The following ENPP1 variants were observed in gnomAD, a reference collection of about 807,000 sequenced individuals.
The protein encoded by ENPP1 is ectonucleotide pyrophosphatase/phosphodiesterase 1.
ENPP1 carries 73 observed loss-of-function variants against 122.8 expected under a neutral mutation model. That is an observed-to-expected ratio of 0.59 (90% CI 0.49 to 0.72). ENPP1 has a LOEUF of 0.72. Ranked by LOEUF, ENPP1 falls within the 30% of genes least tolerant of loss-of-function variation. The pLI is 0.00. For synonymous variants in ENPP1, 367 were observed against 391.6 expected, an observed-to-expected ratio of 0.94 and a Z score of 0.74; for missense variants, 978 against 1,128.1, an observed-to-expected ratio of 0.87 and a Z score of 1.91.
At chr6:131,863,195 T>C (rs1036078533) in intron 9 of ENPP1, among the ~76,000 whole-genome samples, 4 of 152,212 alleles carry the variant, frequency 2.6e-5, no homozygotes, top group African/African-American at 9.6e-5. Flanking sequence ...TTAGCATCTA[T>C]TGCGTTTGCA....
chr6:131,883,454 G>C (rs1219415640), intron 21 of ENPP1, among the ~76,000 whole-genome samples: 1 of 152,180 alleles, frequency 6.6e-6, no homozygotes, highest in Non-Finnish European at 1.5e-5. Flanking sequence ...TGGGGCTCTT[G>C]TTATTAAAGT....
intron 24 of ENPP1, among the ~76,000 whole-genome samples, chr6:131,889,697 G>A (rs1782438198): frequency 6.6e-6 from 1 of 152,030 alleles, no homozygotes; most frequent in East Asian, 1.9e-4. Flanking sequence ...TCATTGTTGG[G>A]CACTTAAGTT....
intron 9 of ENPP1, among the ~76,000 whole-genome samples, chr6:131,863,173 G>C (rs909782440): frequency 6.6e-6 from 1 of 152,142 alleles, no homozygotes; most frequent in African/African-American, 2.4e-5. Context: ...AGATAGGAAT[G>C]ATCTCTGCTA....
Position 131,852,208 on chromosome 6 carries a change from G to C in ENPP1, c.590G>C (p.Ser197Thr). 6.2e-7 allele frequency: 1 copy of C among 1,607,712 alleles called. No individual in the cohort carries two copies. Among genetic ancestry groups the C allele is most frequent in the Non-Finnish European group, 8.5e-7 (1 of 1,177,388 alleles). Residue 197 changes from serine (S) to threonine (T), a missense_variant, in exon 5 of 25, where the codon AGC becomes ACC. By Grantham distance (58) the Ser-to-Thr change is moderately conservative (BLOSUM62 1). This residue lies in a region of ENPP1 where 330 missense variants were observed against 328.5 expected (regional missense o/e 1.00). Transcript: ENST00000647893. ...AGTTGGGTAGAAGAACCATGTGAGAGCATTAATGAGCCACAGTGCCCAGCA... is the reference window on the plus strand; with the variant it reads ...AGTTGGGTAGAAGAACCATGTGAGACCATTAATGAGCCACAGTGCCCAGCA... ...EKSWVEEPCE[S>T]INEPQCPAGF...
chr6:131,821,035 G>A lies in ENPP1; in HGVS notation c.240+12760G>A, dbSNP rs192875287. Among the ~76,000 whole-genome samples the A allele has an allele frequency of 3.8e-3, 573 of 152,258 alleles. 2 individuals are homozygous for A. The highest frequency in any genetic ancestry group is 0.013 in the African/African-American group (559 of 41,554). ...TGTTGATAAGCTTCAATGTGACTGA[G>A]AATTTTTTATTTTACCTTACTCAGA... On this transcript the variant is annotated intron_variant, in intron 1 of 24. Transcript: ENST00000647893.
chr6:131,808,693 A>T (rs1781312479), intron 1 of ENPP1, among the ~76,000 whole-genome samples: 1 of 152,204 alleles, frequency 6.6e-6, no homozygotes, highest in South Asian at 2.1e-4. Flanking sequence ...CACTTGGGTT[A>T]ACTGATTGCA....
chr6:131,884,755 A>T (rs893364178), intron 22 of ENPP1, among the ~76,000 whole-genome samples, 176 bp from the exon 23 acceptor site: 1 of 152,190 alleles, frequency 6.6e-6, no homozygotes, highest in African/African-American at 2.4e-5. Flanking sequence ...AGCCTGGGTG[A>T]TATAGCACGA....
At chr6:131,867,471 AT>A (rs1374437833) in intron 11 of ENPP1, among the ~76,000 whole-genome samples, 1 of 152,198 alleles carries the variant, frequency 6.6e-6, no homozygotes, top group Non-Finnish European at 1.5e-5. Flanking sequence ...ATGAGTTCTA[AT>A]TTAGAAAATT....
chr6:131,824,285 T>A (rs1781517119), intron 1 of ENPP1, among the ~76,000 whole-genome samples: 1 of 151,192 alleles, frequency 6.6e-6, no homozygotes, highest in Non-Finnish European at 1.5e-5. Flanking sequence ...AGAAGAGGAT[T>A]ATGAGAAAAG....
intron 1 of ENPP1, among the ~76,000 whole-genome samples, chr6:131,834,698 T>C (rs927005637): frequency 6.1e-5 from 9 of 148,448 alleles, no homozygotes; most frequent in African/African-American, 2.2e-4. Flanking sequence ...GCCCAGCTAA[T>C]TTTTTTTTTG....
At chr6:131,839,708 A>G (rs1409247406) in intron 1 of ENPP1, among the ~76,000 whole-genome samples, 1 of 152,166 alleles carries the variant, frequency 6.6e-6, no homozygotes, top group Non-Finnish European at 1.5e-5. Flanking sequence ...AAAAATTGGG[A>G]CCATATTACC....
chr6:131,858,645 A>G (rs1054402156), intron 6 of ENPP1, 23 bp from the exon 7 acceptor site: 1 of 1,456,736 alleles, frequency 6.9e-7, no homozygotes, highest in Admixed American at 1.7e-5. Flanking sequence ...TTTAATAACA[A>G]TGTTTATTTT....
At chr6:131,850,211 T>G (rs1781863921) in intron 3 of ENPP1, 105 bp downstream of exon 3, 1 of 874,876 alleles carries the variant, frequency 1.1e-6, no homozygotes, top group African/African-American at 1.7e-5. Context: ...TTTGAATTTT[T>G]TTTAGTTTAG....
In ENPP1 at chr6:131,883,780, T is replaced by A. The variant is rs375335648; in HGVS notation, c.2311+6T>A. 1.0e-5 allele frequency: 14 copies of A among 1,334,804 alleles called. No homozygotes were observed. In the East Asian group the frequency reaches 1.6e-4, roughly 15 times the overall value. The allele number at this position is 1,334,804 out of a possible 1,614,324, so 82.7% of individuals were successfully genotyped here. ...AATGTACCAGAGTTTTCAAGGTAAA[T>A]AATGTTAACTCTATATTTGATAATT... On this transcript the variant is annotated splice_donor_region_variant and intron_variant, in intron 22 of 24. Transcript: ENST00000647893.
At chr6:131,813,049 C>T (rs1047145054) in intron 1 of ENPP1, among the ~76,000 whole-genome samples, 13 of 152,212 alleles carry the variant, frequency 8.5e-5, no homozygotes, top group Non-Finnish European at 1.8e-4. Flanking sequence ...CTTTGTTGCC[C>T]AGGCTGGTCT....
Position 131,817,249 on chromosome 6 carries a change from A to G in ENPP1, c.240+8974A>G, listed in dbSNP as rs541422243. On this transcript the variant is annotated intron_variant, in intron 1 of 24. Coordinates refer to ENST00000647893, the MANE Select transcript of ENPP1 (RefSeq NM_006208.3). ...ATTCATTTGCTAAATGTTATATCCT[A>G]TTCATCAAGCTTGGCCTGCTGTTGG... Among the ~76,000 whole-genome samples, 14 of 152,304 alleles carry G rather than the reference A, an allele frequency of 9.2e-5. No homozygotes were observed. The East Asian group carries it at 2.3e-3, about 25-fold the overall frequency.
At chr6:131,876,143 T>G (rs978883482) in intron 17 of ENPP1, among the ~76,000 whole-genome samples, 2 of 152,190 alleles carry the variant, frequency 1.3e-5, no homozygotes, top group African/African-American at 4.8e-5. Context: ...GGCCCTCGGC[T>G]TAGTGATTTG....
intron 1 of ENPP1, among the ~76,000 whole-genome samples, chr6:131,833,700 C>T (rs1410695093): frequency 2.6e-5 from 4 of 152,192 alleles, no homozygotes; most frequent in Non-Finnish European, 5.9e-5. Context: ...TTACTAAGCA[C>T]TTCAAGATCT....
chr6:131,849,077 C>T (rs1781849446), intron 2 of ENPP1, among the ~76,000 whole-genome samples: 1 of 151,832 alleles, frequency 6.6e-6, no homozygotes, highest in Non-Finnish European at 1.5e-5. Flanking sequence ...TTTTCTAGCT[C>T]TCCAGTGAAA....
Sources: allele counts gnomAD v4.1 joint callset (sites outside exome capture counted in the v4.1 genomes callset), GRCh38; gene constraint gnomAD v4.1.1; regional missense constraint gnomAD v4.1.1; transcripts MANE v1.5; gene names NCBI Gene and HGNC (gene_info 2026-07-23, HGNC 2026-07-21).